GAK: variants seen among roughly 807,000 people sequenced by gnomAD.
GAK encodes the protein cyclin G associated kinase.
Under a neutral mutation model 143.9 loss-of-function variants are expected in GAK, and 79 were observed. The observed-to-expected ratio is 0.55, with a 90% CI of 0.46 to 0.66. GAK has a LOEUF of 0.66. Ranked by LOEUF, GAK falls within the 30% of genes least tolerant of loss-of-function variation. GAK has a pLI of 0.00. For missense variants in GAK, 1,693 were observed against 1,779.7 expected (o/e 0.95, Z 0.88); for synonymous variants, 881 against 765.5 (o/e 1.15, Z -2.49).
At chr4:909,242 T>C (rs925466810) in intron 4 of GAK, among the ~76,000 whole-genome samples, 15 of 152,276 alleles carry the variant, frequency 9.9e-5, no homozygotes, top group African/African-American at 3.4e-4. Context: ...CACGGCGTGA[T>C]GCGTGCTCCC....
At chr4:918,702 A>C (rs1324426478) in intron 1 of GAK, among the ~76,000 whole-genome samples, 1 of 152,274 alleles carries the variant, frequency 6.6e-6, no homozygotes, top group Non-Finnish European at 1.5e-5. Context: ...GGAGGAACTA[A>C]AACTCCTCTC....
intron 1 of GAK, among the ~76,000 whole-genome samples, chr4:916,108 A>C (rs1399482301): frequency 6.6e-6 from 1 of 152,244 alleles, no homozygotes; most frequent in Non-Finnish European, 1.5e-5. Flanking sequence ...AGCAGGACCC[A>C]TAAAAGAAAA....
rs574439108 is a variant in GAK at position 913,642 on chromosome 4, G to C, written c.172C>G (p.Gln58Glu). The part of the protein sequence containing the change: ...EGGFAFVYEA[Q>E]DVGSGREYAL... ...TACTCTCTGCCACTCCCCACATCTTGAGCTTCATACACAAATGCAAACCCT... is the reference window on the plus strand; with the variant it reads ...TACTCTCTGCCACTCCCCACATCTTCAGCTTCATACACAAATGCAAACCCT... The change falls in exon 2 of 28, where the codon CAA becomes GAA. Residue 58 changes from glutamine to glutamate, a missense_variant. Around this residue, in one of 2 missense-constraint regions of GAK, gnomAD observed 871 missense variants for 991.0 expected, o/e 0.88. Coordinates refer to ENST00000314167, the MANE Select transcript of GAK (RefSeq NM_005255.4). 1.2e-6 allele frequency: 2 copies of C among 1,613,666 alleles called. No homozygotes were observed. The highest frequency in any genetic ancestry group is 1.7e-6 in the Non-Finnish European group (2 of 1,179,672).
chr4:893,604 C>T (rs980563923), intron 8 of GAK, 115 bp from the exon 9 acceptor site: 2 of 759,440 alleles, frequency 2.6e-6, no homozygotes, highest in Non-Finnish European at 4.0e-6. Context: ...ACATCAGTGA[C>T]GTCAGAAGCA....
intron 4 of GAK, among the ~76,000 whole-genome samples, chr4:905,523 C>A (rs546087658): frequency 6.6e-6 from 1 of 151,382 alleles, no homozygotes; most frequent in African/African-American, 2.4e-5. Flanking sequence ...GACTCCGCCA[C>A]GCCCCATGCC....
In GAK at chr4:877,721, G is replaced by T. The variant is rs778043928; in HGVS notation, c.1750C>A (p.Pro584Thr). 6.2e-7 allele frequency: 1 copy of T among 1,613,536 alleles called. No homozygotes were observed. Among genetic ancestry groups the T allele is most frequent in the Non-Finnish European group, 8.5e-7 (1 of 1,179,954 alleles). Residue 584 changes from proline (P) to threonine (T), a missense_variant, in exon 16 of 28, where the codon CCC (proline) becomes ACC (threonine). This residue lies in a region of GAK where 871 missense variants were observed against 991.0 expected (regional missense o/e 0.88). Transcript: ENST00000314167. ...PILVRAVVMT[P>T]VPLFSKQRSG... Reference sequence around the variant, plus strand: ...CTCTGCTTGCTGAACAGCGGCACGGGTGTCATGACCACGGCCCTCACCAGG... The same window carrying T: ...CTCTGCTTGCTGAACAGCGGCACGGTTGTCATGACCACGGCCCTCACCAGG...
rs369002990 is a variant in GAK at position 851,059 on chromosome 4, G to A, written c.3534C>T (p.Asn1178=). Residue 1178 remains asparagine (N), a synonymous_variant, in exon 26 of 28, where the codon AAC becomes AAT. Coordinates refer to ENST00000314167, the MANE Select transcript of GAK (RefSeq NM_005255.4). ...GATTGGACAACAGATCTTCAAAGTC[G>A]TTCTCAGAGACTTTTGGCTTTTGAG... ...SFAQKPKVSE[N]DFEDLLSNQG... The A allele has an allele frequency of 1.9e-5, 31 of 1,613,708 alleles. No individual in the cohort carries two copies. Among genetic ancestry groups the A allele is most frequent in the East Asian group, 2.2e-5 (1 of 44,876 alleles).
intron 1 of GAK, among the ~76,000 whole-genome samples, chr4:917,473 C>T (rs541293441): frequency 6.6e-6 from 1 of 152,242 alleles, no homozygotes; most frequent in Admixed American, 6.5e-5. Flanking sequence ...GTACAGAAAA[C>T]TCTAGAAAAC....
chr4:853,545 C>T (rs1250176104), intron 24 of GAK: 1 of 152,296 alleles, frequency 6.6e-6, no homozygotes, highest in Non-Finnish European at 1.5e-5. Flanking sequence ...ATGCGCGAGA[C>T]ACGCGGCTCG....
In GAK at chr4:904,739, G is replaced by A. The variant is rs371836315; in HGVS notation, c.423C>T (p.Gly141=). ...VEFLKKMESR[G]PLSCDTVLKI... is the part of the protein sequence containing the mutation. ...TCAGAACCGTGTCGCACGAAAGGGG[G>A]CCTCGAGATTCCATTTTCTTCAAAA... Residue 141 remains glycine, a synonymous_variant, in exon 5 of 28, where the codon GGC becomes GGT. Coordinates refer to ENST00000314167, the MANE Select transcript of GAK (RefSeq NM_005255.4). 4 of 1,614,190 alleles carry A rather than the reference G, an allele frequency of 2.5e-6. No individual in the cohort carries two copies. The East Asian group carries it at 6.7e-5, about 27-fold the overall frequency.
chr4:849,809 A>G (rs1386667405), intron 27 of GAK, 35 bp from the exon 28 acceptor site: 2 of 1,583,466 alleles, frequency 1.3e-6, no homozygotes, highest in Admixed American at 1.7e-5. Flanking sequence ...GCCTCTTATA[A>G]GCATGCGGGG....
In GAK at chr4:877,186, G is replaced by A; in HGVS notation, c.1878C>T (p.Gly626=). 2 of 1,613,416 alleles carry A rather than the reference G, an allele frequency of 1.2e-6. No homozygotes were observed. The highest frequency in any genetic ancestry group is 1.7e-6 in the Non-Finnish European group (2 of 1,179,404). The stretch of plus-strand genomic sequence containing the variant: ...TGACGCCCAGGGGAATCACCGCTTT[G>A]CCATCTTCAATCTTAAAGTCCCTAA... The part of the protein sequence containing the change: ...DKMRDFKIED[G]KAVIPLGVTV... Residue 626 remains glycine (G), a synonymous_variant, in exon 17 of 28, where the codon GGC becomes GGT. Coordinates refer to ENST00000314167, the MANE Select transcript of GAK (RefSeq NM_005255.4).
rs111499453 is a variant in GAK, at chr4:851,418, G to A, written c.3508+332C>T. ...GTTAAGAACAGAAACTTTCTGCAGA[G>A]ACACACAGGCCCAATTCCACCTGCT... On this transcript the variant is annotated intron_variant, in intron 25 of 27. Coordinates refer to ENST00000314167, the MANE Select transcript of GAK (RefSeq NM_005255.4). The A allele has an allele frequency of 1.3e-3, 651 of 494,292 alleles. 1 individual carries two copies. The highest frequency in any genetic ancestry group is 0.011 in the African/African-American group (596 of 51,840). 30.6% of individuals were successfully genotyped at this position (494,292 alleles called of 1,614,324 possible).
intron 1 of GAK, among the ~76,000 whole-genome samples, chr4:918,374 G>A (rs1208229098): frequency 6.6e-6 from 1 of 152,258 alleles, no homozygotes; most frequent in South Asian, 2.1e-4. Context: ...CTGGAGATTC[G>A]AGTTAATGCA....
intron 1 of GAK, among the ~76,000 whole-genome samples, chr4:926,789 T>C (rs1025330128): frequency 1.5e-4 from 23 of 149,954 alleles, no homozygotes; most frequent in East Asian, 3.9e-4. Context: ...TAGAACCAAC[T>C]AACCAAGCCC....
In GAK at chr4:866,450, T is replaced by C. The variant is rs200252102; in HGVS notation, c.2957A>G (p.Asn986Ser). Reference protein sequence around the residue: ...SNPDLFGEFLNSDSVTVPPSF... With the variant: ...SNPDLFGEFLSSDSVTVPPSF... The stretch of plus-strand genomic sequence containing the variant: ...TGGTGGGACGGTCACAGAGTCCGAA[T>C]TGAGAAATTCGCCGAAGAGATCAGG... The change falls in exon 22 of 28, where the codon AAT (asparagine) becomes AGT (serine). Residue 986 changes from asparagine (N) to serine (S), a missense_variant. Asn to Ser is a conservative substitution (Grantham distance 46). This residue lies in a region of GAK where 822 missense variants were observed against 788.7 expected (regional missense o/e 1.04). Coordinates refer to ENST00000314167, the MANE Select transcript of GAK (RefSeq NM_005255.4). 16 of 1,614,056 alleles carry C rather than the reference T, an allele frequency of 9.9e-6. No individual in the cohort carries two copies. The highest frequency in any genetic ancestry group is 8.3e-5 in the Admixed American group (5 of 60,016).
intron 11 of GAK, chr4:885,916 G>GCCA (rs1275597377): frequency 6.6e-6 from 1 of 152,224 alleles, no homozygotes; most frequent in Non-Finnish European, 1.5e-5. Flanking sequence ...ACAGGTGCAC[G>GCCA]CCACCTCGCC....
intron 18 of GAK, among the ~76,000 whole-genome samples, chr4:875,819 G>A (rs956166677): frequency 2.0e-5 from 3 of 152,220 alleles, no homozygotes; most frequent in African/African-American, 4.8e-5. Flanking sequence ...GTGCAGATCT[G>A]TAATCCCAGC....
chr4:852,634 G>T (rs1451315683), intron 24 of GAK: 1 of 153,182 alleles, frequency 6.5e-6, no homozygotes, highest in Admixed American at 6.5e-5. Context: ...AGTAGAGGTG[G>T]GATTTCACCA....
Sources: gnomAD v4.1 joint callset for allele counts (sites outside exome capture counted in the v4.1 genomes callset) on GRCh38, gnomAD v4.1.1 for gene constraint, gnomAD v4.1.1 regional missense constraint, MANE v1.5 for transcripts, NCBI Gene and HGNC (gene_info 2026-07-23, HGNC 2026-07-21) for gene names.